Variants in RNF112 observed in about 807,000 individuals in gnomAD.
RNF112 encodes ring finger protein 112.
Under a neutral mutation model 64.7 loss-of-function variants are expected in RNF112, and 34 were observed. The ratio of observed to expected loss-of-function variants is 0.53; its 90% confidence interval spans 0.40 to 0.70. The LOEUF is 0.70. Among genes scored for constraint, RNF112 ranks in the 30% least tolerant of loss-of-function variants. The pLI is 0.00. For synonymous variants in RNF112, 345 were observed against 344.5 expected, an observed-to-expected ratio of 1.00 and a Z score of -0.02; for missense variants, 734 against 850.0, an observed-to-expected ratio of 0.86 and a Z score of 1.70.
Position 19,413,698 on chromosome 17 carries a change from A to G in RNF112, c.825+17A>G, listed in dbSNP as rs769005736. 2 of 1,565,904 alleles carry G rather than the reference A, an allele frequency of 1.3e-6. No individual in the cohort carries two copies. Among genetic ancestry groups the G allele is most frequent in the East Asian group, 4.6e-5 (2 of 43,528 alleles). On this transcript the variant is annotated intron_variant, in intron 6 of 13. Coordinates refer to ENST00000461366, the MANE Select transcript of RNF112 (RefSeq NM_007148.5). This position sits in a 1 kb window ranked among gnomAD's most constrained non-coding sequence, Gnocchi z 5.9. ...TCCTACCAGGTGATGGGGGGCGCTG[A>G]TGTTGGCATCCCCACCCCACACACC...
intron 2 of RNF112, chr17:19,411,875 G>A (rs985650543): frequency 2.5e-5 from 16 of 627,586 alleles, no homozygotes; most frequent in East Asian, 8.2e-5. Flanking sequence ...AGCAGAGAGC[G>A]GAAGGAATCT....
In RNF112 at chr17:19,415,976, T is replaced by C. The variant is rs763219009; in HGVS notation, c.1697T>C (p.Val566Ala). The change falls in exon 14 of 14, where the codon GTG (valine) becomes GCG (alanine). Residue 566 changes from valine to alanine, a missense_variant. Val to Ala is a moderately conservative substitution (Grantham distance 64). Transcript: ENST00000461366. The surrounding 1 kb of genome is among the most constrained non-coding windows in gnomAD (Gnocchi z 7.8). ...AGLMGLAGGV[V>A]GAGMAAAALA... ...CTCATGGGCCTGGCAGGGGGCGTGG[T>C]GGGTGCTGGCATGGCAGCAGCTGCA... 6.4e-7 allele frequency: 1 copy of C among 1,573,472 alleles called. No homozygotes were observed. The highest frequency in any genetic ancestry group is 8.6e-7 in the Non-Finnish European group (1 of 1,161,438).
chr17:19,415,465 C>T lies in RNF112; in HGVS notation c.1351-53C>T. On this transcript the variant is annotated intron_variant, in intron 12 of 13. Coordinates refer to ENST00000461366, the MANE Select transcript of RNF112 (RefSeq NM_007148.5). This position sits in a 1 kb window ranked among gnomAD's most constrained non-coding sequence, Gnocchi z 7.8. ...GGAGTGGAGATGAGGAAACAAGCAG[C>T]GCCCCTGGCTGAGAAGGAAGGAAGG... 6 of 1,571,750 alleles carry T rather than the reference C, an allele frequency of 3.8e-6. No individual in the cohort carries two copies. Among genetic ancestry groups the T allele is most frequent in the South Asian group, 3.5e-5 (3 of 85,356 alleles).
chr17:19,411,428 C>T lies in RNF112; in HGVS notation c.20C>T (p.Ser7Leu), dbSNP rs1913649464. 1.2e-6 allele frequency: 2 copies of T among 1,611,852 alleles called. No individual in the cohort carries two copies. The highest frequency in any genetic ancestry group is 1.7e-5 in the Admixed American group (1 of 59,842). Reference sequence around the variant, plus strand: ...CCTCCCATGCCAAGGCCCGCCTTGTCAGTCACTTCCTTTTGTCATCGGCTT... The same window carrying T: ...CCTCCCATGCCAAGGCCCGCCTTGTTAGTCACTTCCTTTTGTCATCGGCTT... MPRPAL[S>L]VTSFCHRLGK... The change falls in exon 1 of 14, where the codon TCA becomes TTA. Residue 7 changes from serine to leucine, a missense_variant. Transcript: ENST00000461366.
At chr17:19,411,490 GGA>G (rs746728256) in intron 1 of RNF112, 28 bp downstream of exon 1, 31 of 1,606,370 alleles carry the variant, frequency 1.9e-5, no homozygotes, top group Non-Finnish European at 2.5e-5. Flanking sequence ...AGATCGGGAA[GGA>G]GAGTGGGGTG....
Position 19,415,312 on chromosome 17 carries a change from A to G in RNF112, c.1323A>G (p.Thr441=). The change falls in exon 12 of 14, where the codon ACA becomes ACG. Residue 441 remains threonine (T), a synonymous_variant. Transcript: ENST00000461366. This position sits in a 1 kb window ranked among gnomAD's most constrained non-coding sequence, Gnocchi z 7.8. ...ACCTCTCAGGATGGATGGGGAGGAC[A>G]GGGCCCGGTTTCACCTCTCCGGATG... ...IKNLSGWMGR[T]GPGFTSPDEM... 1 of 1,609,500 alleles carries G rather than the reference A, an allele frequency of 6.2e-7. No homozygotes were observed. Among genetic ancestry groups the G allele is most frequent in the African/African-American group, 1.3e-5 (1 of 74,866 alleles).
Position 19,416,639 on chromosome 17 carries a change from G to A in RNF112, c.*464G>A. The A allele has an allele frequency of 6.1e-6, 1 of 164,082 alleles. No individual in the cohort carries two copies. 10.2% of individuals were successfully genotyped at this position (164,082 alleles called of 1,614,324 possible). ...ATGGTGTTCAGGAGCGGGGAGCACTGATGAGGTGCTGGGGATGACAGGAAG... is the reference window on the plus strand; with the variant it reads ...ATGGTGTTCAGGAGCGGGGAGCACTAATGAGGTGCTGGGGATGACAGGAAG... On this transcript the variant is annotated 3_prime_UTR_variant, in exon 14 of 14. Transcript: ENST00000461366.
In RNF112 at chr17:19,414,114, A is replaced by G. The variant is rs1913777174; in HGVS notation, c.845A>G (p.Glu282Gly). The G allele has an allele frequency of 1.2e-6, 2 of 1,603,714 alleles. No homozygotes were observed. The highest frequency in any genetic ancestry group is 1.7e-6 in the Non-Finnish European group (2 of 1,171,324). ...TTCCAGATCCTCAGCACCTCCCAGGAGCTGAAGGATACAGACCTGGACTAT... is the reference window on the plus strand; with the variant it reads ...TTCCAGATCCTCAGCACCTCCCAGGGGCTGAAGGATACAGACCTGGACTAT... ...SSYQILSTSQ[E>G]LKDTDLDYLE... The change falls in exon 7 of 14, where the codon GAG (glutamate) becomes GGG (glycine). Residue 282 changes from glutamate to glycine, a missense_variant. Transcript: ENST00000461366.
rs1434957534 is a variant in RNF112 at position 19,413,320 on chromosome 17, C to T, written c.629C>T (p.Ser210Phe). 1.9e-6 allele frequency: 3 copies of T among 1,612,756 alleles called. No homozygotes were observed. Among genetic ancestry groups the T allele is most frequent in the Admixed American group, 1.7e-5 (1 of 59,932 alleles). Residue 210 changes from serine to phenylalanine, a missense_variant, in exon 5 of 14, where the codon TCC becomes TTC. Coordinates refer to ENST00000461366, the MANE Select transcript of RNF112 (RefSeq NM_007148.5). The surrounding 1 kb of genome is among the most constrained non-coding windows in gnomAD (Gnocchi z 5.9). ...EGGRPRGGEA[S>F]LQGCRWGANG... ...GGCCGGCCAAGAGGAGGAGAGGCAT[C>T]CCTGCAGGGCTGCAGGTGGGGCGCC... is the stretch of plus-strand genomic sequence containing the variant.
In RNF112 at chr17:19,416,257, G is replaced by A. The variant is rs1323434639; in HGVS notation, c.*82G>A. ...GGCAGGTCGGGGGAGGGTGATGCCA[G>A]GGATTCCAAGGCACCGCCATGTACT... On this transcript the variant is annotated 3_prime_UTR_variant, in exon 14 of 14. Transcript: ENST00000461366. The A allele has an allele frequency of 1.6e-6, 2 of 1,263,038 alleles. No homozygotes were observed. Among genetic ancestry groups the A allele is most frequent in the African/African-American group, 3.0e-5 (2 of 66,848 alleles). The allele number at this position is 1,263,038 out of a possible 1,614,324, so 78.2% of individuals were successfully genotyped here. A position where few individuals can be genotyped will look rare whatever the true frequency, so the allele number is the denominator to read the frequency against.
chr17:19,414,853 G>T lies in RNF112; in HGVS notation c.1092G>T (p.Arg364Ser), dbSNP rs114401557. The T allele has an allele frequency of 6.2e-7, 1 of 1,613,762 alleles. No homozygotes were observed. Among genetic ancestry groups the T allele is most frequent in the South Asian group, 1.1e-5 (1 of 91,088 alleles). The change falls in exon 10 of 14, where the codon AGG becomes AGT. Residue 364 changes from arginine (R) to serine (S), a missense_variant. Transcript: ENST00000461366. ...GCTGCCTCTTGCCTGCCCCAGGGAG[G>T]CGGCGGATGAACCAAGGCCATGCAA... ...ARCCLLPAPG[R>S]RRMNQGHASP...
chr17:19,413,391 C>CA lies in RNF112; in HGVS notation c.700_701insA (p.Leu234HisfsTer22). ...ATGGATGTGGAGCCACCCCTTCTTG[C>CA]TGGGGAAAGAAGGGAAGAAGGTGAG... is the stretch of plus-strand genomic sequence containing the variant. On this transcript the variant is annotated frameshift_variant, in exon 5 of 14. Transcript: ENST00000461366. LOFTEE classifies it high-confidence loss of function. The surrounding 1 kb of genome is among the most constrained non-coding windows in gnomAD (Gnocchi z 5.9). 6.2e-7 allele frequency: 1 copy of CA among 1,612,046 alleles called. No individual in the cohort carries two copies. Among genetic ancestry groups the CA allele is most frequent in the Non-Finnish European group, 8.5e-7 (1 of 1,178,948 alleles).
chr17:19,412,939 A>G lies in RNF112; in HGVS notation c.383A>G (p.Glu128Gly), dbSNP rs1282504947. The G allele has an allele frequency of 1.3e-6, 2 of 1,584,474 alleles. No homozygotes were observed. The highest frequency in any genetic ancestry group is 1.8e-5 in the Admixed American group (1 of 55,534). ...PQRPLPPALQ[E>G]TCPVRAEPLL... ...GGCCCCTCTCTTCTCCTGGCCCAGG[A>G]GACGTGTCCTGTGAGGGCGGAGCCG... Residue 128 changes from glutamate (E) to glycine (G), a missense_variant and splice_region_variant, in exon 4 of 14, where the codon GAG (glutamate) becomes GGG (glycine). Coordinates refer to ENST00000461366, the MANE Select transcript of RNF112 (RefSeq NM_007148.5). The surrounding 1 kb of genome is among the most constrained non-coding windows in gnomAD (Gnocchi z 5.1).
At position 19,413,417 on chromosome 17, in the gene RNF112, G is replaced by A. The variant is rs1913744306; in HGVS notation, c.720+6G>A. ...TGGGGAAAGAAGGGAAGAAGGTGAG[G>A]GGGGAAGTGGCAGAAGGAGGTCAGG... On this transcript the variant is annotated splice_donor_region_variant and intron_variant, in intron 5 of 13. Coordinates refer to ENST00000461366, the MANE Select transcript of RNF112 (RefSeq NM_007148.5). The surrounding 1 kb of genome is among the most constrained non-coding windows in gnomAD (Gnocchi z 5.9). 1 of 1,609,886 alleles carries A rather than the reference G, an allele frequency of 6.2e-7. No individual in the cohort carries two copies. The highest frequency in any genetic ancestry group is 8.5e-7 in the Non-Finnish European group (1 of 1,177,246).
In RNF112 at chr17:19,414,365, G is replaced by T. The variant is rs34262398; in HGVS notation, c.877-84G>T. The T allele has an allele frequency of 8.7e-4, 1,333 of 1,526,288 alleles. 22 individuals are homozygous for T. The Admixed American group carries it at 0.021, about 24-fold the overall frequency. 94.5% of individuals were successfully genotyped at this position (1,526,288 alleles called of 1,614,324 possible). ...GGGGAGCCTAGCTCCTACAGCAGGC[G>T]TAGGGAGGTGGGGAGACAGGCTTGG... is the stretch of plus-strand genomic sequence containing the variant. On this transcript the variant is annotated intron_variant, in intron 7 of 13. Coordinates refer to ENST00000461366, the MANE Select transcript of RNF112 (RefSeq NM_007148.5).
rs1476859507 is a variant in RNF112, at chr17:19,416,812, G to A, written c.*637G>A. ...CCCACTCCTGGCCCACAGCCCCAGA[G>A]AGCCTGTCTGTGCATCCTGAACCAC... On this transcript the variant is annotated 3_prime_UTR_variant, in exon 14 of 14. Transcript: ENST00000461366. 1 of 152,670 alleles carries A rather than the reference G, an allele frequency of 6.6e-6. No individual in the cohort carries two copies. Among genetic ancestry groups the A allele is most frequent in the Non-Finnish European group, 1.5e-5 (1 of 68,442 alleles). 9.5% of individuals were successfully genotyped at this position (152,670 alleles called of 1,614,324 possible). A position where few individuals can be genotyped will look rare whatever the true frequency, so the allele number is the denominator to read the frequency against.
Position 19,413,339 on chromosome 17 carries a change from G to T in RNF112, c.648G>T (p.Trp216Cys). ...AGGCATCCCTGCAGGGCTGCAGGTG[G>T]GGCGCCAATGGCCTCGCCAGGGGCA... ...GGEASLQGCR[W>C]GANGLARGIW... The change falls in exon 5 of 14, where the codon TGG becomes TGT. Residue 216 changes from tryptophan (W) to cysteine (C), a missense_variant. Coordinates refer to ENST00000461366, the MANE Select transcript of RNF112 (RefSeq NM_007148.5). This position sits in a 1 kb window ranked among gnomAD's most constrained non-coding sequence, Gnocchi z 5.9. The T allele has an allele frequency of 6.2e-7, 1 of 1,613,356 alleles. No individual in the cohort carries two copies.
In RNF112 at chr17:19,416,035, G is replaced by A; in HGVS notation, c.1756G>A (p.Ala586Thr). 1.9e-6 allele frequency: 3 copies of A among 1,548,812 alleles called. No individual in the cohort carries two copies. The highest frequency in any genetic ancestry group is 2.6e-6 in the Non-Finnish European group (3 of 1,148,636). ...AGAGGCTGGGATGGTGGCTGCTGGA[G>A]CTGCCGTGGGGGCCACAGGGGCCGC... ...AAEAGMVAAG[A>T]AVGATGAAVV... Residue 586 changes from alanine to threonine, a missense_variant, in exon 14 of 14, where the codon GCT (alanine) becomes ACT (threonine). Physicochemically the swap from Ala to Thr is moderately conservative, Grantham distance 58. Transcript: ENST00000461366.
At position 19,413,789 on chromosome 17, in the gene RNF112, G is replaced by A; in HGVS notation, c.825+108G>A. 1.2e-6 allele frequency: 1 copy of A among 852,886 alleles called. No homozygotes were observed. Among genetic ancestry groups the A allele is most frequent in the African/African-American group, 1.7e-5 (1 of 59,248 alleles). 52.8% of individuals were successfully genotyped at this position (852,886 alleles called of 1,614,324 possible). ...GGCTTTGGTGTCTGGGGTCCTGATA[G>A]GTTCTGGGGCTGCCTTAGAAGGGGG... On this transcript the variant is annotated intron_variant, in intron 6 of 13. Transcript: ENST00000461366. The surrounding 1 kb of genome is among the most constrained non-coding windows in gnomAD (Gnocchi z 5.9).
Sources: gnomAD v4.1 joint callset for allele counts on GRCh38, gnomAD v4.1.1 for gene constraint, Gnocchi (gnomAD v3.1) non-coding constraint, MANE v1.5 for transcripts, NCBI Gene and HGNC (gene_info 2026-07-23, HGNC 2026-07-21) for gene names.